Variants in TNS1 observed in about 807,000 individuals in gnomAD.
TNS1 encodes tensin-1.
TNS1 carries 62 observed loss-of-function variants against 168.6 expected under a neutral mutation model. That is an observed-to-expected ratio of 0.37 (90% CI 0.30 to 0.45). TNS1 has a LOEUF of 0.45. Among genes scored for constraint, TNS1 ranks in the 20% least tolerant of loss-of-function variants. The pLI, the probability that TNS1 is intolerant of heterozygous loss-of-function variation, is 1.00. For synonymous variants in TNS1, 934 were observed against 933.2 expected (o/e 1.00, Z -0.02); for missense variants, 2,240 against 2,339.4 (o/e 0.96, Z 0.88).
At chr2:217,841,754 G>A (rs756553750) in intron 19 of TNS1, among the ~76,000 whole-genome samples, 1 of 152,098 alleles carries the variant, frequency 6.6e-6, no homozygotes, top group Non-Finnish European at 1.5e-5. Context: ...CCTGGACCCA[G>A]GTAACACACC....
intron 6 of TNS1, among the ~76,000 whole-genome samples, chr2:217,900,976 T>C (rs140751323): frequency 1.3e-5 from 2 of 152,130 alleles, no homozygotes; most frequent in Non-Finnish European, 2.9e-5. Flanking sequence ...AGCTGTAACA[T>C]CAAGTCATTC....
intron 18 of TNS1, chr2:217,859,581 T>C: frequency 6.8e-7 from 1 of 1,466,014 alleles, no homozygotes; most frequent in Non-Finnish European, 9.2e-7. Flanking sequence ...GCTTGGCAAC[T>C]TGACATTTTG....
chr2:217,850,576 C>T, intron 18 of TNS1: 1 of 975,196 alleles, frequency 1.0e-6, no homozygotes, highest in Non-Finnish European at 1.2e-6. Flanking sequence ...GCCACCAGCC[C>T]CGACAGACAC....
intron 2 of TNS1, among the ~76,000 whole-genome samples, chr2:217,987,378 C>A (rs780134565): frequency 2.6e-5 from 4 of 152,210 alleles, no homozygotes; most frequent in Non-Finnish European, 5.9e-5. Context: ...CGCATGTCCA[C>A]CCTCTTAGTT....
intron 3 of TNS1, among the ~76,000 whole-genome samples, chr2:217,949,485 T>C (rs536909064): frequency 6.6e-6 from 1 of 152,316 alleles, no homozygotes; most frequent in African/African-American, 2.4e-5. Context: ...CTAGACCAGA[T>C]AACTGGGGAA....
chr2:217,854,295 G>T (rs1027812992), intron 18 of TNS1, among the ~76,000 whole-genome samples: 4 of 152,184 alleles, frequency 2.6e-5, no homozygotes, highest in Non-Finnish European at 5.9e-5. Flanking sequence ...AGAATAAAAG[G>T]TGCCAGCCAT....
rs115175261 is a variant in TNS1 at position 217,941,675 on chromosome 2, G to A, written c.187-21439C>T. On this transcript the variant is annotated intron_variant, in intron 3 of 32. Coordinates refer to ENST00000682258, the MANE Select transcript of TNS1 (RefSeq NM_001387777.1). ...ATCCCAAGAGACCATCCAGGTCATC[G>A]CCTCTAACCACATCCCAGCCCAGGA... 7.2e-5 allele frequency among the ~76,000 whole-genome samples: 11 copies of A among 152,180 alleles called. No individual in the cohort carries two copies. In the South Asian group the frequency reaches 1.7e-3, roughly 23 times the overall value.
At position 217,820,321 on chromosome 2, in the gene TNS1, A is replaced by T. The variant is rs1481675719; in HGVS notation, c.3572+1419T>A. ...ATGGGTGGCTGGGACAACTTAGGAA[A>T]ATCCCCTTTCCTTTAAAATAGGAAA... is the stretch of plus-strand genomic sequence containing the variant. On this transcript the variant is annotated intron_variant, in intron 23 of 32. Coordinates refer to ENST00000682258, the MANE Select transcript of TNS1 (RefSeq NM_001387777.1). Among the ~76,000 whole-genome samples the T allele has an allele frequency of 2.6e-5, 4 of 152,332 alleles. No homozygotes were observed. In the East Asian group the frequency reaches 7.7e-4, roughly 29 times the overall value.
At position 217,831,479 on chromosome 2, in the gene TNS1, C is replaced by A; in HGVS notation, c.3349G>T (p.Asp1117Tyr). Residue 1117 changes from aspartate to tyrosine, a missense_variant, in exon 22 of 33, where the codon GAC becomes TAC. Physicochemically the swap from Asp to Tyr is radical, Grantham distance 160. Coordinates refer to ENST00000682258, the MANE Select transcript of TNS1 (RefSeq NM_001387777.1). ...ALGLKPHNPA[D>Y]ILLHPTGEPR... ...CCTCCTGTGGGGTGCAACAGGATGT[C>A]CGCTGGGTTGTGAGGTTTCAGGCCC... 1 of 1,590,286 alleles carries A rather than the reference C, an allele frequency of 6.3e-7. No individual in the cohort carries two copies. The highest frequency in any genetic ancestry group is 8.6e-7 in the Non-Finnish European group (1 of 1,169,040).
intron 3 of TNS1, among the ~76,000 whole-genome samples, chr2:217,961,960 G>A (rs1385953532): frequency 1.3e-5 from 2 of 152,332 alleles, no homozygotes; most frequent in Admixed American, 6.5e-5. Context: ...AGCATAAACT[G>A]AGGTTTCCTG....
intron 1 of TNS1, among the ~76,000 whole-genome samples, chr2:218,008,380 C>T (rs1444858759): frequency 6.6e-6 from 1 of 152,194 alleles, no homozygotes; most frequent in Non-Finnish European, 1.5e-5. Flanking sequence ...TTCCGTCATC[C>T]TCTACCTCCG....
intron 22 of TNS1, among the ~76,000 whole-genome samples, chr2:217,825,953 C>G (rs1356502864): frequency 6.6e-6 from 1 of 152,178 alleles, no homozygotes; most frequent in East Asian, 1.9e-4. Context: ...CAGGGAGAAG[C>G]AGCAGCATCC....
intron 3 of TNS1, among the ~76,000 whole-genome samples, chr2:217,921,470 A>G (rs1474371270): frequency 6.6e-6 from 1 of 152,140 alleles, no homozygotes; most frequent in African/African-American, 2.4e-5. Flanking sequence ...CCTCCAGCTG[A>G]CCGCATGCTG....
chr2:217,991,314 G>A (rs1446410012), intron 1 of TNS1, among the ~76,000 whole-genome samples: 3 of 150,946 alleles, frequency 2.0e-5, no homozygotes, highest in Admixed American at 6.6e-5. Context: ...TGCAGCCCCC[G>A]CATGGCTCCT....
rs781038399 is a variant in TNS1 at position 217,882,395 on chromosome 2, C to G, written c.1263G>C (p.Glu421Asp). ...DDAFKDDRFP[E>D]YGKVEFVFSY... ...AAAATACAAACTCCACTTTGCCATACTCTGGAAATCGATCATCTGGAAAAA... is the reference window on the plus strand; with the variant it reads ...AAAATACAAACTCCACTTTGCCATAGTCTGGAAATCGATCATCTGGAAAAA... The change falls in exon 17 of 33, where the codon GAG (glutamate) becomes GAC (aspartate). Residue 421 changes from glutamate (E) to aspartate (D), a missense_variant. Physicochemically the swap from Glu to Asp is conservative, Grantham distance 45 (BLOSUM62 2). Transcript: ENST00000682258. 6.2e-7 allele frequency: 1 copy of G among 1,603,602 alleles called. No individual in the cohort carries two copies. Among genetic ancestry groups the G allele is most frequent in the Non-Finnish European group, 8.5e-7 (1 of 1,177,002 alleles).
At chr2:217,932,948 G>A (rs953388369) in intron 3 of TNS1, among the ~76,000 whole-genome samples, 3 of 152,252 alleles carry the variant, frequency 2.0e-5, no homozygotes, top group East Asian at 3.9e-4. Flanking sequence ...TCTGATGGAC[G>A]AGGCTGCACC....
intron 3 of TNS1, among the ~76,000 whole-genome samples, chr2:217,955,737 C>A (rs1455332811): frequency 2.0e-5 from 3 of 152,204 alleles, no homozygotes; most frequent in Admixed American, 1.3e-4. Flanking sequence ...AGAATGTGAA[C>A]CCAGGTCTTT....
At chr2:217,808,024 T>G (rs1939519000) in intron 32 of TNS1, 51 bp downstream of exon 32, 2 of 1,606,766 alleles carry the variant, frequency 1.2e-6, no homozygotes, top group Admixed American at 3.3e-5. Context: ...CTTCCCTCAC[T>G]GTGAAGTACA....
chr2:217,989,514 G>A (rs937399687), intron 2 of TNS1, among the ~76,000 whole-genome samples: 16 of 152,136 alleles, frequency 1.1e-4, no homozygotes, highest in Admixed American at 4.6e-4. Context: ...ATGGGGCAAC[G>A]GGGTGAGTGA....
Sources: gnomAD v4.1 joint callset for allele counts (sites outside exome capture counted in the v4.1 genomes callset) on GRCh38, gnomAD v4.1.1 for gene constraint, MANE v1.5 for transcripts, NCBI Gene and HGNC (gene_info 2026-07-23, HGNC 2026-07-21) for gene names.